The following RIMS2 variants were observed in gnomAD, a reference collection of about 807,000 sequenced individuals.
RIMS2 encodes regulating synaptic membrane exocytosis protein 2.
In RIMS2, 59 loss-of-function variants were observed where a neutral mutation model predicts 174.4. That is an observed-to-expected ratio of 0.34 (90% CI 0.27 to 0.42). RIMS2 has a LOEUF of 0.42. RIMS2 is among the 10% of genes least tolerant of loss of function. The pLI, the probability that RIMS2 is intolerant of heterozygous loss-of-function variation, is 1.00. For missense variants in RIMS2, 1,620 were observed against 1,666.3 expected (o/e 0.97, Z 0.48); for synonymous variants, 606 against 572.5 (o/e 1.06, Z -0.84).
At chr8:103,586,566 A>G (rs866732605) in intron 1 of RIMS2, among the ~76,000 whole-genome samples, 2 of 152,168 alleles carry the variant, frequency 1.3e-5, no homozygotes, top group South Asian at 2.1e-4. Flanking sequence ...TGGAAACACA[A>G]TGTACCAAAA....
At position 104,193,607 on chromosome 8, in the gene RIMS2, A is replaced by G. The variant is rs538607901; in HGVS notation, c.3335-51309A>G. ...ATCCCTGTATCACAACATTTCTGCC[A>G]AAGATGGGCATTACTTCCTAATTTT... On this transcript the variant is annotated intron_variant, in intron 19 of 23. Transcript: ENST00000504942. Among the ~76,000 whole-genome samples, 6 of 152,320 alleles carry G rather than the reference A, an allele frequency of 3.9e-5. No individual in the cohort carries two copies. In the South Asian group the frequency reaches 1.2e-3, roughly 32 times the overall value.
intron 3 of RIMS2, among the ~76,000 whole-genome samples, chr8:103,859,069 A>T (rs1440038380): frequency 6.6e-6 from 1 of 152,176 alleles, no homozygotes; most frequent in Non-Finnish European, 1.5e-5. Context: ...AATTGGATAC[A>T]GAGAGGGTCT....
chr8:103,867,666 A>G (rs964990529), intron 3 of RIMS2, among the ~76,000 whole-genome samples: 8 of 151,996 alleles, frequency 5.3e-5, no homozygotes. Context: ...GTGAGATAAT[A>G]ATAATTATGA....
At chr8:104,170,211 T>C (rs2098824071) in intron 19 of RIMS2, among the ~76,000 whole-genome samples, 2 of 152,092 alleles carry the variant, frequency 1.3e-5, no homozygotes, top group Non-Finnish European at 2.9e-5. Flanking sequence ...AAGTCCATTT[T>C]TTTGTTGTTG....
At chr8:103,912,475 T>C (rs1200571821) in intron 6 of RIMS2, among the ~76,000 whole-genome samples, 1 of 152,170 alleles carries the variant, frequency 6.6e-6, no homozygotes, top group Non-Finnish European at 1.5e-5. Flanking sequence ...CAGTTTATTC[T>C]TTAAGTCAAA....
chr8:104,194,547 T>C (rs984190797), intron 19 of RIMS2, among the ~76,000 whole-genome samples: 60 of 152,300 alleles, frequency 3.9e-4, no homozygotes, highest in African/African-American at 1.4e-3. Flanking sequence ...AATCTTGCTC[T>C]TGAAGTTCAA....
At chr8:103,653,677 G>T (rs2096487638) in intron 1 of RIMS2, among the ~76,000 whole-genome samples, 1 of 148,582 alleles carries the variant, frequency 6.7e-6, no homozygotes, top group South Asian at 2.1e-4. Context: ...TTTATGTCTT[G>T]TTGCTATTGA....
At chr8:103,798,381 T>C (rs190977159) in intron 3 of RIMS2, among the ~76,000 whole-genome samples, 81 of 152,266 alleles carry the variant, frequency 5.3e-4, no homozygotes, top group Non-Finnish European at 8.5e-4. Flanking sequence ...AACTAAATTT[T>C]AATAAAGGAA....
At chr8:103,535,498 G>A (rs13261470) in intron 1 of RIMS2, among the ~76,000 whole-genome samples, 27,720 of 152,078 alleles carry the variant, frequency 0.18, 2,782 homozygotes, top group African/African-American at 0.26. Flanking sequence ...TTATTGAGTC[G>A]ATTACAGCTA....
intron 2 of RIMS2, among the ~76,000 whole-genome samples, chr8:103,759,012 A>G (rs1008647582): frequency 1.3e-5 from 2 of 152,064 alleles, no homozygotes; most frequent in Non-Finnish European, 2.9e-5. Flanking sequence ...GTCAAGGAAA[A>G]GCTTGTTTCT....
chr8:103,824,110 A>G (rs1328222621), intron 3 of RIMS2, among the ~76,000 whole-genome samples: 2 of 152,100 alleles, frequency 1.3e-5, no homozygotes, highest in Non-Finnish European at 2.9e-5. Flanking sequence ...GACCTTAGCA[A>G]TATACTACAA....
chr8:103,592,263 T>A (rs2094298691), intron 1 of RIMS2, among the ~76,000 whole-genome samples: 1 of 151,400 alleles, frequency 6.6e-6, no homozygotes, highest in East Asian at 1.9e-4. Flanking sequence ...ATAACAACCA[T>A]TATCCTATGA....
At chr8:103,622,792 G>T (rs2095666491) in intron 1 of RIMS2, among the ~76,000 whole-genome samples, 1 of 152,188 alleles carries the variant, frequency 6.6e-6, no homozygotes, top group African/African-American at 2.4e-5. Flanking sequence ...AACAGCCAGG[G>T]AAACTGATCT....
intron 14 of RIMS2, among the ~76,000 whole-genome samples, chr8:103,949,650 G>T (rs139175133): frequency 3.3e-5 from 5 of 152,060 alleles, no homozygotes; most frequent in Non-Finnish European, 7.4e-5. Context: ...GAACAGTAGG[G>T]AAATGTATAG....
At chr8:103,570,180 T>C (rs1474933096) in intron 1 of RIMS2, among the ~76,000 whole-genome samples, 1 of 152,176 alleles carries the variant, frequency 6.6e-6, no homozygotes, top group Non-Finnish European at 1.5e-5. Context: ...CATTATACAA[T>C]GTACTTCTAT....
intron 1 of RIMS2, among the ~76,000 whole-genome samples, chr8:103,601,494 T>G (rs1421074861): frequency 6.6e-6 from 1 of 152,170 alleles, no homozygotes; most frequent in Non-Finnish European, 1.5e-5. Flanking sequence ...ACTTCTCCTC[T>G]TTTTTGGTTT....
At chr8:104,023,526 A>G (rs2096166838) in intron 19 of RIMS2, among the ~76,000 whole-genome samples, 1 of 152,216 alleles carries the variant, frequency 6.6e-6, no homozygotes. Flanking sequence ...AATGACATCC[A>G]GGTTTTTAGC....
intron 19 of RIMS2, among the ~76,000 whole-genome samples, chr8:104,023,466 T>C (rs901278435): frequency 1.3e-5 from 2 of 152,124 alleles, no homozygotes; most frequent in African/African-American, 2.4e-5. Flanking sequence ...ATATTGAAGA[T>C]AGAGCCAACA....
chr8:104,116,429 T>C (rs1236648636), intron 19 of RIMS2, among the ~76,000 whole-genome samples: 1 of 152,168 alleles, frequency 6.6e-6, no homozygotes, highest in African/African-American at 2.4e-5. Flanking sequence ...GAAATTATGT[T>C]TTCTATTTTT....
Sources: gnomAD v4.1 joint callset for allele counts (sites outside exome capture counted in the v4.1 genomes callset) on GRCh38, gnomAD v4.1.1 for gene constraint, MANE v1.5 for transcripts, NCBI Gene and HGNC (gene_info 2026-07-23, HGNC 2026-07-21) for gene names.